GABRR3: variants seen among roughly 807,000 people sequenced by gnomAD.
GABRR3 encodes gamma-aminobutyric acid receptor subunit rho-3.
A neutral mutation model predicts 43.2 loss-of-function variants in GABRR3; 29 were observed. The observed-to-expected ratio is 0.67, with a 90% confidence interval of 0.50 to 0.92. The LOEUF (loss-of-function observed/expected upper bound fraction) is 0.92. Among genes scored for constraint, GABRR3 ranks in the 40% least tolerant of loss-of-function variants. The pLI is 0.00. For synonymous variants in GABRR3, 206 were observed against 195.9 expected (o/e 1.05, Z -0.43); for missense variants, 576 against 572.3 (o/e 1.01, Z -0.07).
intron 8 of GABRR3, chr3:97,997,892 A>G (rs1706584099): frequency 6.6e-6 from 1 of 152,324 alleles, no homozygotes; most frequent in South Asian, 2.1e-4. Context: ...ACATACATGC[A>G]CAATACTTAC....
chr3:98,023,415 C>T (rs1344501725), intron 3 of GABRR3, among the ~76,000 whole-genome samples: 1 of 152,046 alleles, frequency 6.6e-6, no homozygotes, highest in African/African-American at 2.4e-5. Flanking sequence ...GTGTGACTGG[C>T]GCCCCCTGGT....
intron 2 of GABRR3, among the ~76,000 whole-genome samples, chr3:98,028,589 G>A (rs569053921): frequency 2.0e-5 from 3 of 152,286 alleles, no homozygotes; most frequent in African/African-American, 7.2e-5. Context: ...GGCAATACTC[G>A]TAGGATTCAG....
chr3:98,033,468 T>G (rs1414731558), intron 2 of GABRR3, among the ~76,000 whole-genome samples: 1 of 152,150 alleles, frequency 6.6e-6, no homozygotes, highest in Non-Finnish European at 1.5e-5. Context: ...TTTCTTTAAA[T>G]GTCACCTAAA....
At chr3:97,985,819 T>A (rs1706378151), downstream of GABRR3, among the ~76,000 whole-genome samples, 1 of 151,268 alleles carries the variant, frequency 6.6e-6, no homozygotes, top group African/African-American at 2.4e-5. Context: ...TCTCCACTTA[T>A]GCTCACAAAT....
intron 5 of GABRR3, among the ~76,000 whole-genome samples, chr3:98,009,422 A>C (rs1706761024): frequency 6.6e-6 from 1 of 152,200 alleles, no homozygotes; most frequent in African/African-American, 2.4e-5. Flanking sequence ...GTAGTAACAA[A>C]GGGTTGGAAT....
rs754065878 is a variant in GABRR3 at position 98,009,076 on chromosome 3, T to G, written c.531-38A>C. On this transcript the variant is annotated intron_variant, in intron 5 of 9. Coordinates refer to ENST00000621172, the Ensembl canonical transcript of GABRR3. ...TGAGAAAAAGAAAACTGCAGATCAT[T>G]TAACCATCTGGCCAAATGAGCATGC... The G allele has an allele frequency of 3.0e-6, 4 of 1,350,550 alleles. No homozygotes were observed. The South Asian group carries it at 5.0e-5, about 17-fold the overall frequency. The allele number at this position is 1,350,550 out of a possible 1,614,324, so 83.7% of individuals were successfully genotyped here.
rs562786221 is a variant in GABRR3 at position 98,011,598 on chromosome 3, G to A, written c.530+746C>T. On this transcript the variant is annotated intron_variant, in intron 5 of 9. Coordinates refer to ENST00000621172, the Ensembl canonical transcript of GABRR3. ...ATTTCAAGATCCTTAACTTAATCAC[G>A]TCTGCAAGGATTTTTTTTTCTTTTT... Among the ~76,000 whole-genome samples, 54 of 146,050 alleles carry A rather than the reference G, an allele frequency of 3.7e-4. No homozygotes were observed. In the South Asian group the frequency reaches 4.6e-3, roughly 12 times the overall value.
intron 6 of GABRR3, among the ~76,000 whole-genome samples, chr3:98,008,297 T>C (rs1339187200): frequency 1.3e-5 from 2 of 152,180 alleles, no homozygotes; most frequent in Non-Finnish European, 2.9e-5. Context: ...TTTCCTTGGA[T>C]GAAATTCCAA....
chr3:97,997,601 G>A (rs1363974637), intron 8 of GABRR3: 1 of 152,178 alleles, frequency 6.6e-6, no homozygotes, highest in Non-Finnish European at 1.5e-5. Flanking sequence ...TAACAGTTAT[G>A]AGCAGATGAA....
intron 3 of GABRR3, among the ~76,000 whole-genome samples, chr3:98,020,976 C>T (rs1473467790): frequency 2.0e-5 from 3 of 151,292 alleles, no homozygotes; most frequent in African/African-American, 4.9e-5. Flanking sequence ...ATTCTCTGGC[C>T]TCAGCCTCCT....
At chr3:97,992,224 C>T (rs1194794814) in intron 9 of GABRR3, among the ~76,000 whole-genome samples, 1 of 152,078 alleles carries the variant, frequency 6.6e-6, no homozygotes, top group Admixed American at 6.5e-5. Context: ...CCTTTATGCT[C>T]TACCACTCTC....
At chr3:98,003,987 C>G (rs888543913) in intron 7 of GABRR3, among the ~76,000 whole-genome samples, 1 of 152,130 alleles carries the variant, frequency 6.6e-6, no homozygotes, top group Admixed American at 6.6e-5. Context: ...ACGGGTACAT[C>G]TGCCTCCATT....
intron 8 of GABRR3, among the ~76,000 whole-genome samples, chr3:97,996,964 A>G (rs771939868): frequency 6.6e-6 from 1 of 152,168 alleles, no homozygotes; most frequent in Non-Finnish European, 1.5e-5. Context: ...CAACTTAACA[A>G]CTACGTACTG....
chr3:98,001,914 C>T, intron 7 of GABRR3, 147 bp from the exon 8 acceptor site: 1 of 747,676 alleles, frequency 1.3e-6, no homozygotes, highest in Non-Finnish European at 2.2e-6. Flanking sequence ...CCTGGCACTC[C>T]ATCAACATTT....
intron 5 of GABRR3, among the ~76,000 whole-genome samples, chr3:98,012,035 T>C (rs1706799566): frequency 6.6e-6 from 1 of 151,628 alleles, no homozygotes; most frequent in South Asian, 2.1e-4. Flanking sequence ...TGGGGTGGAG[T>C]TGGTGAGGAG....
At chr3:97,986,726 A>G (rs746289773) in exon 10 of GABRR3, 1 of 1,578,716 alleles carries the variant, frequency 6.3e-7, no homozygotes, top group Admixed American at 1.8e-5. Flanking sequence ...TAAAATATAC[A>G]CAATGGGGAA....
chr3:98,023,528 C>A (rs1397231455), intron 3 of GABRR3, among the ~76,000 whole-genome samples: 2 of 151,880 alleles, frequency 1.3e-5, no homozygotes, highest in Admixed American at 1.3e-4. Flanking sequence ...ATCACAGGGA[C>A]CAAGGTACAA....
chr3:98,028,240 G>A (rs1222488022), intron 2 of GABRR3, among the ~76,000 whole-genome samples: 1 of 151,938 alleles, frequency 6.6e-6, no homozygotes, highest in Non-Finnish European at 1.5e-5. Flanking sequence ...CATTAATTCT[G>A]TTCTTATTTT....
intron 3 of GABRR3, among the ~76,000 whole-genome samples, chr3:98,018,302 C>G (rs954256235): frequency 3.7e-4 from 57 of 152,206 alleles, no homozygotes; most frequent in Non-Finnish European, 7.6e-4. Context: ...AGGGACAACA[C>G]AGATCAGATT....
Sources: gnomAD v4.1 joint callset for allele counts (sites outside exome capture counted in the v4.1 genomes callset) on GRCh38, gnomAD v4.1.1 for gene constraint, MANE v1.5 for transcripts, NCBI Gene and HGNC (gene_info 2026-07-23, HGNC 2026-07-21) for gene names.